Variants in DAB1 observed in about 807,000 individuals in gnomAD.
The protein encoded by DAB1 is DAB adaptor protein 1.
Under a neutral mutation model 64.6 loss-of-function variants are expected in DAB1, and 15 were observed. That is an observed-to-expected ratio of 0.23 (90% CI 0.16 to 0.36). The LOEUF is 0.36. Ranked by LOEUF, DAB1 falls within the 10% of genes least tolerant of loss-of-function variation. The pLI, the probability that DAB1 is intolerant of heterozygous loss-of-function variation, is 1.00. For synonymous variants in DAB1, 235 were observed against 251.9 expected (o/e 0.93, Z 0.64); for missense variants, 596 against 706.7 (o/e 0.84, Z 1.78).
intron 4 of DAB1, among the ~76,000 whole-genome samples, chr1:58,275,294 C>T (rs597138): frequency 0.66 from 101,037 of 151,964 alleles, 34,611 homozygotes; most frequent in East Asian, 0.87. Flanking sequence ...GATATTACGC[C>T]GAAAGAAGAA....
At chr1:57,908,367 C>T (rs1644589496) in intron 5 of DAB1, among the ~76,000 whole-genome samples, 1 of 152,114 alleles carries the variant, frequency 6.6e-6, no homozygotes, top group African/African-American at 2.4e-5. Flanking sequence ...TCCTTTTCAA[C>T]AAGCAGCCCA....
At position 57,445,537 on chromosome 1, in the gene DAB1, G is replaced by T. The variant is rs562156513; in HGVS notation, n.626-154371C>A. ...GCATTCATTATCACTAAACTAGTTA[G>T]TGTGTGTAGGTATGCACTGATAATG... On this transcript the variant is annotated intron_variant and non_coding_transcript_variant, in intron 7 of 20. Transcript: ENST00000485760. Among the ~76,000 whole-genome samples the T allele has an allele frequency of 2.6e-5, 4 of 152,246 alleles. No individual in the cohort carries two copies. In the South Asian group the frequency reaches 8.3e-4, roughly 32 times the overall value.
chr1:57,632,621 G>A lies in DAB1; in HGVS notation n.625+16971C>T, dbSNP rs78013368. ...TGGGGTGGAGTTGAAACAGTGGGGA[G>A]GAGTATTGTGTGAGAGTTGTGAGGA... On this transcript the variant is annotated intron_variant and non_coding_transcript_variant, in intron 7 of 20. Transcript: ENST00000485760. 4.1e-4 allele frequency among the ~76,000 whole-genome samples: 62 copies of A among 152,274 alleles called. No individual in the cohort carries two copies. The East Asian group carries it at 0.012, about 28-fold the overall frequency.
chr1:57,164,960 T>TA (rs1218635326), intron 2 of DAB1, among the ~76,000 whole-genome samples: 7 of 152,192 alleles, frequency 4.6e-5, no homozygotes, highest in Non-Finnish European at 5.9e-5. Flanking sequence ...AGTTACTCTG[T>TA]ACTTGCTGAA....
intron 6 of DAB1, among the ~76,000 whole-genome samples, chr1:57,787,250 T>C (rs1225071855): frequency 6.6e-6 from 1 of 152,172 alleles, no homozygotes; most frequent in African/African-American, 2.4e-5. Flanking sequence ...AGTTAGAGTA[T>C]TTGATTTCAT....
intron 1 of DAB1, among the ~76,000 whole-genome samples, chr1:57,320,479 C>A (rs971682648): frequency 6.6e-6 from 1 of 152,148 alleles, no homozygotes; most frequent in Admixed American, 6.5e-5. Context: ...TAGATCTTCT[C>A]CATATAGACA....
chr1:58,123,585 T>A (rs546872540), intron 5 of DAB1, among the ~76,000 whole-genome samples: 1 of 152,182 alleles, frequency 6.6e-6, no homozygotes, highest in Non-Finnish European at 1.5e-5. Flanking sequence ...TTACCTTCTA[T>A]AGAACATATA....
At chr1:57,019,751 G>A (rs931704792) in intron 11 of DAB1, among the ~76,000 whole-genome samples, 3 of 152,158 alleles carry the variant, frequency 2.0e-5, no homozygotes, top group African/African-American at 7.2e-5. Context: ...GTACTAAGGA[G>A]CATCTGTTTA....
chr1:58,173,660 G>C (rs546119827), intron 4 of DAB1, among the ~76,000 whole-genome samples: 2 of 152,238 alleles, frequency 1.3e-5, no homozygotes, highest in South Asian at 4.1e-4. Context: ...TAGGAGTATG[G>C]GAAAGTGAAA....
chr1:57,838,201 A>C (rs1652897278), intron 1 of DAB1, among the ~76,000 whole-genome samples: 1 of 152,032 alleles, frequency 6.6e-6, no homozygotes. Context: ...TCACAGACTT[A>C]TAAAATGACG....
intron 4 of DAB1, among the ~76,000 whole-genome samples, chr1:58,192,498 A>G (rs907546322): frequency 1.3e-5 from 2 of 152,148 alleles, no homozygotes; most frequent in African/African-American, 4.8e-5. Flanking sequence ...TCTCCAAGTT[A>G]TAAGTGAGAC....
intron 1 of DAB1, among the ~76,000 whole-genome samples, chr1:57,837,353 T>A (rs1202827192): frequency 6.6e-6 from 1 of 152,188 alleles, no homozygotes; most frequent in Non-Finnish European, 1.5e-5. Context: ...CCTTGCCCCA[T>A]GCTTTCTAGT....
At chr1:58,544,854 A>G (rs115498186) in intron 1 of DAB1, among the ~76,000 whole-genome samples, 1,966 of 152,304 alleles carry the variant, frequency 0.013, 17 homozygotes, top group Non-Finnish European at 0.022. Flanking sequence ...TCGGTCTCCC[A>G]AAGTGTTGGG....
intron 6 of DAB1, among the ~76,000 whole-genome samples, chr1:57,795,731 A>ATATATATATATATATG (rs1650827811): frequency 8.8e-6 from 1 of 113,014 alleles, no homozygotes; most frequent in South Asian, 2.9e-4. Context: ...ATATATATAT[A>ATATATATATATATATG]TATCATACAC....
intron 1 of DAB1, among the ~76,000 whole-genome samples, chr1:57,856,375 GACA>G (rs779876214): frequency 1.8e-4 from 28 of 152,162 alleles, no homozygotes; most frequent in Non-Finnish European, 3.2e-4. Flanking sequence ...GCTATTCAAG[GACA>G]ACAAGTATGC....
intron 3 of DAB1, among the ~76,000 whole-genome samples, chr1:58,462,386 AAAG>A (rs950933589): frequency 8.5e-5 from 13 of 152,200 alleles, no homozygotes; most frequent in African/African-American, 2.9e-4. Context: ...TCGGCCTCCC[AAAG>A]AAGGTTTCTT....
chr1:58,449,376 TGCA>T (rs1348115503), intron 3 of DAB1, among the ~76,000 whole-genome samples: 4 of 152,192 alleles, frequency 2.6e-5, no homozygotes, highest in Non-Finnish European at 5.9e-5. Context: ...ATAGATGATG[TGCA>T]TGTCCTCTGA....
At chr1:57,712,284 C>A (rs1157912783) in intron 6 of DAB1, among the ~76,000 whole-genome samples, 1 of 152,128 alleles carries the variant, frequency 6.6e-6, no homozygotes, top group African/African-American at 2.4e-5. Flanking sequence ...GTGAGGCCTA[C>A]CTACAAAAAT....
intron 5 of DAB1, among the ~76,000 whole-genome samples, chr1:57,965,989 T>C (rs979559527): frequency 2.0e-5 from 3 of 152,138 alleles, no homozygotes; most frequent in Non-Finnish European, 4.4e-5. Flanking sequence ...GATGAGCTAA[T>C]GTAAATTTTA....
Sources: gnomAD v4.1 joint callset for allele counts (sites outside exome capture counted in the v4.1 genomes callset) on GRCh38, gnomAD v4.1.1 for gene constraint, MANE v1.5 for transcripts, NCBI Gene and HGNC (gene_info 2026-07-23, HGNC 2026-07-21) for gene names.